PAK5: variants seen among roughly 807,000 people sequenced by gnomAD.
PAK5 encodes serine/threonine-protein kinase PAK 5.
PAK5 carries 16 observed loss-of-function variants against 65.9 expected under a neutral mutation model. The ratio of observed to expected loss-of-function variants is 0.24; its 90% CI spans 0.16 to 0.37. PAK5 has a LOEUF of 0.37. Ranked by LOEUF, PAK5 falls within the 10% of genes least tolerant of loss-of-function variation. The probability of loss-of-function intolerance (pLI) is 1.00; values close to 1 mark genes in which losing one functional copy is unlikely to be tolerated. For synonymous variants in PAK5, 371 were observed against 354.9 expected, an observed-to-expected ratio of 1.05 and a Z score of -0.51; for missense variants, 785 against 903.9, an observed-to-expected ratio of 0.87 and a Z score of 1.69.
intron 3 of PAK5, among the ~76,000 whole-genome samples, chr20:9,595,612 T>A (rs796205647): frequency 5.3e-5 from 8 of 152,308 alleles, no homozygotes; most frequent in African/African-American, 1.9e-4. Context: ...TTTCCAAAAT[T>A]GTATTCTATC....
At chr20:9,781,579 A>C (rs572909643) in intron 1 of PAK5, among the ~76,000 whole-genome samples, 1 of 152,304 alleles carries the variant, frequency 6.6e-6, no homozygotes, top group African/African-American at 2.4e-5. Flanking sequence ...TCTAACAGAC[A>C]ACTCAAACTC....
At chr20:9,774,440 T>A (rs1175539426) in intron 1 of PAK5, among the ~76,000 whole-genome samples, 1 of 152,158 alleles carries the variant, frequency 6.6e-6, no homozygotes, top group African/African-American at 2.4e-5. Flanking sequence ...AGTATAAAAA[T>A]AGAACAACCA....
At chr20:9,809,545 T>C (rs1460691322) in intron 1 of PAK5, among the ~76,000 whole-genome samples, 2 of 152,132 alleles carry the variant, frequency 1.3e-5, no homozygotes, top group East Asian at 3.9e-4. Context: ...AGGGACTTAA[T>C]TGGGTGTATT....
chr20:9,819,426 A>G (rs183804028), intron 1 of PAK5, among the ~76,000 whole-genome samples: 1 of 152,280 alleles, frequency 6.6e-6, no homozygotes, highest in East Asian at 1.9e-4. Flanking sequence ...AAAGATAGAT[A>G]TTTTCAAATG....
Position 9,544,347 on chromosome 20 carries a change from C to T in PAK5, c.1869+22G>A, listed in dbSNP as rs113012559. 2.4e-5 allele frequency: 38 copies of T among 1,612,310 alleles called. No homozygotes were observed. The East Asian group carries it at 7.6e-4, about 32-fold the overall frequency. The stretch of plus-strand genomic sequence containing the variant: ...TGAGCCTGTCCCCAGTCCTGCCACG[C>T]CTATGACTGTGACCCCCTTACCTCT... On this transcript the variant is annotated intron_variant, in intron 8 of 9. Coordinates refer to ENST00000353224, the MANE Select transcript of PAK5 (RefSeq NM_177990.4).
At chr20:9,780,516 A>C (rs2048930448) in intron 1 of PAK5, among the ~76,000 whole-genome samples, 1 of 152,128 alleles carries the variant, frequency 6.6e-6, no homozygotes, top group African/African-American at 2.4e-5. Flanking sequence ...TCCCAATAAG[A>C]CTAGGCATAT....
chr20:9,597,527 C>G (rs539792280), intron 3 of PAK5, among the ~76,000 whole-genome samples: 1 of 152,228 alleles, frequency 6.6e-6, no homozygotes, highest in Admixed American at 6.5e-5. Context: ...GAACCAAACT[C>G]GAGTAGGTTG....
At chr20:9,667,351 C>CTATCTTGGAT (rs1555910873) in intron 2 of PAK5, among the ~76,000 whole-genome samples, 5 of 144,412 alleles carry the variant, frequency 3.5e-5, no homozygotes, top group East Asian at 2.4e-4. Context: ...CAGAGTTATG[C>CTATCTTGGAT]TTTGCCAGTC....
At chr20:9,790,784 C>T (rs2049042359) in intron 1 of PAK5, among the ~76,000 whole-genome samples, 1 of 152,086 alleles carries the variant, frequency 6.6e-6, no homozygotes, top group Admixed American at 6.6e-5. Context: ...CAGGTGTGAG[C>T]CACTGCACCC....
chr20:9,776,176 G>C (rs2048885253), intron 1 of PAK5, among the ~76,000 whole-genome samples: 1 of 152,202 alleles, frequency 6.6e-6, no homozygotes, highest in Non-Finnish European at 1.5e-5. Flanking sequence ...ACAGGTGACA[G>C]ATGAGGAAAC....
chr20:9,737,977 C>A (rs1199099177), intron 1 of PAK5, among the ~76,000 whole-genome samples: 3 of 152,068 alleles, frequency 2.0e-5, no homozygotes, highest in Non-Finnish European at 4.4e-5. Flanking sequence ...CCCATCTTTA[C>A]TAAAAATACA....
chr20:9,805,795 G>A (rs1291888334), intron 1 of PAK5, among the ~76,000 whole-genome samples: 1 of 152,166 alleles, frequency 6.6e-6, no homozygotes, highest in Non-Finnish European at 1.5e-5. Flanking sequence ...TATAGAAAAT[G>A]TTCTAAAATT....
At chr20:9,631,641 A>T (rs1395312493) in intron 3 of PAK5, among the ~76,000 whole-genome samples, 1 of 152,210 alleles carries the variant, frequency 6.6e-6, no homozygotes, top group Non-Finnish European at 1.5e-5. Context: ...CTAGACTCTG[A>T]ACTCAGAGAA....
intron 1 of PAK5, among the ~76,000 whole-genome samples, chr20:9,757,980 G>A (rs1004294669): frequency 6.6e-6 from 1 of 152,166 alleles, no homozygotes; most frequent in Admixed American, 6.5e-5. Flanking sequence ...AGTAAATATG[G>A]ATGTTTGTTG....
intron 1 of PAK5, among the ~76,000 whole-genome samples, chr20:9,787,986 G>GC (rs1292916762): frequency 3.3e-5 from 5 of 151,136 alleles, no homozygotes; most frequent in Non-Finnish European, 7.4e-5. Context: ...TGTGTGTTGG[G>GC]GGGGGTATGT....
At chr20:9,582,407 C>T (rs1369849752) in intron 3 of PAK5, among the ~76,000 whole-genome samples, 1 of 152,012 alleles carries the variant, frequency 6.6e-6, no homozygotes, top group Non-Finnish European at 1.5e-5. Flanking sequence ...TGGTGTTTTT[C>T]CCATGTTTAA....
intron 2 of PAK5, among the ~76,000 whole-genome samples, chr20:9,677,438 T>G (rs887691614): frequency 6.6e-6 from 1 of 152,188 alleles, no homozygotes; most frequent in Admixed American, 6.5e-5. Context: ...GAGCAGGGCC[T>G]GCACCATAGG....
chr20:9,632,894 C>A (rs1276083255), intron 3 of PAK5, among the ~76,000 whole-genome samples: 1 of 152,170 alleles, frequency 6.6e-6, no homozygotes, highest in East Asian at 1.9e-4. Flanking sequence ...GTCTTGGAGT[C>A]AGATAGGTAT....
chr20:9,810,858 CAT>C (rs1391279317), intron 1 of PAK5, among the ~76,000 whole-genome samples: 1 of 152,128 alleles, frequency 6.6e-6, no homozygotes, highest in African/African-American at 2.4e-5. Flanking sequence ...CACATAGACA[CAT>C]AGACATATAT....
Sources: gnomAD v4.1 joint callset for allele counts (sites outside exome capture counted in the v4.1 genomes callset) on GRCh38, gnomAD v4.1.1 for gene constraint, MANE v1.5 for transcripts, NCBI Gene and HGNC (gene_info 2026-07-23, HGNC 2026-07-21) for gene names.